The following TIAM1 variants were observed in gnomAD, a reference collection of about 807,000 sequenced individuals.
TIAM1 encodes rho guanine nucleotide exchange factor TIAM1.
TIAM1 carries 65 observed loss-of-function variants against 163.5 expected under a neutral mutation model. The observed-to-expected ratio is 0.40, with a 90% CI of 0.33 to 0.49. The LOEUF is 0.49. Among genes scored for constraint, TIAM1 ranks in the 20% least tolerant of loss-of-function variants. The pLI, the probability that TIAM1 is intolerant of heterozygous loss-of-function variation, is 0.77. For synonymous variants in TIAM1, 833 were observed against 810.1 expected (o/e 1.03, Z -0.48); for missense variants, 1,789 against 2,044.7 (o/e 0.87, Z 2.41).
intron 15 of TIAM1, among the ~76,000 whole-genome samples, chr21:31,174,520 C>T (rs2084671589): frequency 1.3e-5 from 2 of 152,216 alleles, no homozygotes; most frequent in South Asian, 4.1e-4. Flanking sequence ...TTTAACATGC[C>T]ATAGGCCTGC....
chr21:31,252,037 G>A lies in TIAM1; in HGVS notation c.1116C>T (p.Ser372=). 2.5e-6 allele frequency: 4 copies of A among 1,614,058 alleles called. No homozygotes were observed. The highest frequency in any genetic ancestry group is 3.4e-6 in the Non-Finnish European group (4 of 1,180,024). The change falls in exon 5 of 28, where the codon AGC becomes AGT. Residue 372 remains serine, a synonymous_variant. Transcript: ENST00000541036. The stretch of plus-strand genomic sequence containing the variant: ...GACGAGCCGCATCCCCGGTGGAGCT[G>A]CTGCCGCTGTCGCTGCCCACAAAGG... ...GRAFVGSDSG[S]SSTGDAARQG...
At chr21:31,198,983 C>T (rs1049888160) in intron 12 of TIAM1, among the ~76,000 whole-genome samples, 1 of 152,198 alleles carries the variant, frequency 6.6e-6, no homozygotes, top group Non-Finnish European at 1.5e-5. Flanking sequence ...ATATCTGGAA[C>T]TAGAAATCTG....
chr21:31,120,671 A>G lies in TIAM1; in HGVS notation c.4473T>C (p.Ala1491=). 1 of 1,613,972 alleles carries G rather than the reference A, an allele frequency of 6.2e-7. No homozygotes were observed. Among genetic ancestry groups the G allele is most frequent in the South Asian group, 1.1e-5 (1 of 91,070 alleles). ...DRWVEEQFDL[A]QYEEQDDIKE... is the part of the protein sequence containing the mutation. ...TGATGTCATCTTGCTCCTCATACTG[A>G]GCAAGATCAAACTGCTCCTCTACCC... is the stretch of plus-strand genomic sequence containing the variant. The change falls in exon 28 of 28, where the codon GCT becomes GCC. Residue 1491 remains alanine, a synonymous_variant. Transcript: ENST00000541036. The surrounding 1 kb of genome is among the most constrained non-coding windows in gnomAD (Gnocchi z 4.2).
intron 6 of TIAM1, among the ~76,000 whole-genome samples, chr21:31,242,092 T>C (rs1453294973): frequency 2.0e-5 from 3 of 152,048 alleles, no homozygotes; most frequent in Non-Finnish European, 4.4e-5. Context: ...CCATGTTGAG[T>C]GTACTAGACA....
intron 1 of TIAM1, among the ~76,000 whole-genome samples, chr21:31,536,862 C>T (rs2048152492): frequency 6.6e-6 from 1 of 152,180 alleles, no homozygotes; most frequent in Non-Finnish European, 1.5e-5. Context: ...GACCAGGAGG[C>T]CATGTTCAGG....
chr21:31,355,528 A>ATTTATTTAT (rs150696024), intron 2 of TIAM1, among the ~76,000 whole-genome samples: 9 of 144,658 alleles, frequency 6.2e-5, no homozygotes, highest in Non-Finnish European at 1.1e-4. Flanking sequence ...TCTCTCCTTT[A>ATTTATTTAT]TTATTTATTT....
chr21:31,415,287 CAACAAT>C (rs754251707), intron 2 of TIAM1, among the ~76,000 whole-genome samples: 2 of 152,196 alleles, frequency 1.3e-5, no homozygotes, highest in African/African-American at 2.4e-5. Flanking sequence ...TTATTAACAA[CAACAAT>C]AATATTCATA....
intron 14 of TIAM1, among the ~76,000 whole-genome samples, chr21:31,185,456 TTATA>T (rs1218709866): frequency 7.0e-6 from 1 of 143,352 alleles, no homozygotes; most frequent in African/African-American, 2.5e-5. Context: ...TTAACGATTA[TTATA>T]TAATGTATTA....
chr21:31,284,426 G>A (rs898921641), intron 2 of TIAM1, among the ~76,000 whole-genome samples: 2 of 152,174 alleles, frequency 1.3e-5, no homozygotes, highest in African/African-American at 4.8e-5. Context: ...ACAGGAGGAA[G>A]CCACACTTCC....
intron 2 of TIAM1, among the ~76,000 whole-genome samples, chr21:31,409,623 T>A (rs1327847349): frequency 1.3e-5 from 2 of 152,058 alleles, no homozygotes; most frequent in Non-Finnish European, 2.9e-5. Flanking sequence ...AAAGCCCCAT[T>A]CAGACCTCCG....
intron 15 of TIAM1, among the ~76,000 whole-genome samples, chr21:31,165,618 G>A (rs1338215964): frequency 2.6e-5 from 4 of 152,030 alleles, no homozygotes; most frequent in African/African-American, 9.7e-5. Context: ...TGTTGTTTAA[G>A]CCACTCAGTT....
In TIAM1 at chr21:31,431,827, C is replaced by T. The variant is rs2044039525; in HGVS notation, c.-369+32156G>A. On this transcript the variant is annotated intron_variant, in intron 2 of 28. Transcript: ENST00000286827. ...ACATATCCCAATAAAGAAAAAAATA[C>T]AGTCAAAATATGAGATCACCGTCAT... Among the ~76,000 whole-genome samples, 3 of 152,090 alleles carry T rather than the reference C, an allele frequency of 2.0e-5. No individual in the cohort carries two copies. The South Asian group carries it at 6.2e-4, about 31-fold the overall frequency.
At chr21:31,177,462 C>T (rs1207793893) in intron 15 of TIAM1, among the ~76,000 whole-genome samples, 1 of 152,120 alleles carries the variant, frequency 6.6e-6, no homozygotes, top group African/African-American at 2.4e-5. Flanking sequence ...CAAAATTTAG[C>T]CGGGCGTGGT....
chr21:31,423,716 A>C (rs1029588178), intron 2 of TIAM1, among the ~76,000 whole-genome samples: 2 of 140,026 alleles, frequency 1.4e-5, no homozygotes, highest in African/African-American at 4.9e-5. Context: ...AAAAAAAAAA[A>C]AAAAAAAAAA....
At chr21:31,265,869 A>C (rs2072731325) in intron 4 of TIAM1, 141 bp downstream of exon 4, 8 of 1,222,590 alleles carry the variant, frequency 6.5e-6, no homozygotes, top group African/African-American at 1.5e-5. Context: ...AAATCCTCCC[A>C]AAACAGCACC....
chr21:31,547,774 C>T (rs1163636935), intron 1 of TIAM1, among the ~76,000 whole-genome samples: 7 of 152,176 alleles, frequency 4.6e-5, no homozygotes, highest in African/African-American at 2.4e-5. Context: ...TTTCAATGCT[C>T]GATAAACTGC....
chr21:31,410,375 AGAGT>A (rs2077330647), intron 2 of TIAM1, among the ~76,000 whole-genome samples: 2 of 151,666 alleles, frequency 1.3e-5, no homozygotes, highest in Admixed American at 6.6e-5. Flanking sequence ...ACTGTGTGTA[AGAGT>A]GTGTGTGACG....
At chr21:31,154,508 T>C in intron 16 of TIAM1, 82 bp from the exon 17 acceptor site, 4 of 1,414,544 alleles carry the variant, frequency 2.8e-6, no homozygotes, top group Non-Finnish European at 3.8e-6. Flanking sequence ...CCTAGAGGTG[T>C]TCTCCCTGGT....
intron 2 of TIAM1, among the ~76,000 whole-genome samples, chr21:31,398,092 C>G (rs1252948188): frequency 6.9e-6 from 1 of 145,036 alleles, no homozygotes; most frequent in Non-Finnish European, 1.5e-5. Flanking sequence ...CCCTCTGCAC[C>G]AGCAGAATGG....
Sources: gnomAD v4.1 joint callset for allele counts (sites outside exome capture counted in the v4.1 genomes callset) on GRCh38, gnomAD v4.1.1 for gene constraint, Gnocchi (gnomAD v3.1) non-coding constraint, MANE v1.5 for transcripts, NCBI Gene and HGNC (gene_info 2026-07-23, HGNC 2026-07-21) for gene names.